Variants in NBEA observed in about 807,000 individuals in gnomAD.
NBEA encodes neurobeachin, also known as lysosomal-trafficking regulator 2.
Under a neutral mutation model 343.4 loss-of-function variants are expected in NBEA, and 44 were observed. That is an observed-to-expected ratio of 0.13 (90% CI 0.10 to 0.16). The LOEUF (loss-of-function observed/expected upper bound fraction) is 0.16. Ranked by LOEUF, NBEA falls within the 10% of genes least tolerant of loss-of-function variation. The probability of loss-of-function intolerance (pLI) is 1.00; values close to 1 mark genes in which losing one functional copy is unlikely to be tolerated. For synonymous variants in NBEA, 1,175 were observed against 1,238.7 expected (o/e 0.95, Z 1.08); for missense variants, 2,555 against 3,631.3 (o/e 0.70, Z 7.62).
At chr13:35,182,300 C>G in intron 28 of NBEA, 60 bp from the exon 29 acceptor site, 23 of 1,489,788 alleles carry the variant, frequency 1.5e-5, no homozygotes, top group Non-Finnish European at 2.0e-5. Context: ...GTTTCTAGTG[C>G]TTTAAGAACT....
Position 35,014,387 on chromosome 13 carries a change from C to G in NBEA, c.295-26546C>G, listed in dbSNP as rs140794568. ...TCAGATTCTAAATTCATTATGTACT[C>G]TGATGCCAAAGTTGTTGCATACTTC... On this transcript the variant is annotated intron_variant, in intron 1 of 58. Transcript: ENST00000379939. 1.4e-4 allele frequency among the ~76,000 whole-genome samples: 21 copies of G among 152,168 alleles called. No homozygotes were observed. In the East Asian group the frequency reaches 3.5e-3, roughly 25 times the overall value.
chr13:35,009,971 G>A (rs906195942), intron 1 of NBEA, among the ~76,000 whole-genome samples: 5 of 152,184 alleles, frequency 3.3e-5, no homozygotes, highest in Admixed American at 3.3e-4. Flanking sequence ...GTGCCATTGA[G>A]TGAAACTAGA....
chr13:35,063,536 A>T (rs2063540451), intron 8 of NBEA, among the ~76,000 whole-genome samples: 1 of 152,054 alleles, frequency 6.6e-6, no homozygotes, highest in South Asian at 2.1e-4. Flanking sequence ...CAGAAGGAGC[A>T]AGGGGAAGAG....
Position 35,645,917 on chromosome 13 carries a change from A to G in NBEA, c.7666A>G (p.Lys2556Glu), listed in dbSNP as rs989382209. 3 of 1,568,708 alleles carry G rather than the reference A, an allele frequency of 1.9e-6. No individual in the cohort carries two copies. The Admixed American group carries it at 5.4e-5, about 28-fold the overall frequency. Residue 2556 changes from lysine to glutamate, a missense_variant, in exon 50 of 59, where the codon AAG (lysine) becomes GAG (glutamate). Transcript: ENST00000379939. ...AGACCCCCACACTTTCCTTCTTACA[A>G]AGGACTTTATTAAGGTATATGTTCT... ...IRDPHTFLLT[K>E]DFIKAMEAQI...
intron 41 of NBEA, among the ~76,000 whole-genome samples, chr13:35,549,151 C>T (rs970131229): frequency 2.0e-5 from 3 of 151,970 alleles, no homozygotes; most frequent in Admixed American, 1.3e-4. Context: ...TGACTGCCTC[C>T]AAAAACCTTT....
chr13:35,420,845 C>T (rs1047004432), intron 38 of NBEA, among the ~76,000 whole-genome samples: 1 of 151,708 alleles, frequency 6.6e-6, no homozygotes, highest in Non-Finnish European at 1.5e-5. Flanking sequence ...GTGATATCCC[C>T]TTTTTCATTC....
intron 10 of NBEA, among the ~76,000 whole-genome samples, chr13:35,092,265 A>G (rs2065122127): frequency 6.6e-6 from 1 of 151,976 alleles, no homozygotes; most frequent in African/African-American, 2.4e-5. Flanking sequence ...ATGAAACTCT[A>G]AAACTTTTAT....
rs117946854 is a variant in NBEA at position 35,435,459 on chromosome 13, A to G, written c.6304+3066A>G. Among the ~76,000 whole-genome samples, 596 of 152,180 alleles carry G rather than the reference A, an allele frequency of 3.9e-3. 25 individuals carry two copies. The East Asian group carries it at 0.065, about 16-fold the overall frequency. ...GAATGTTCTTGTTTTGAGAAATACA[A>G]CGGAGTAGTTAGGGGTAATAGGGTG... is the stretch of plus-strand genomic sequence containing the variant. On this transcript the variant is annotated intron_variant, in intron 39 of 58. Transcript: ENST00000379939.
intron 58 of NBEA, among the ~76,000 whole-genome samples, chr13:35,669,116 T>C (rs538967601): frequency 1.3e-5 from 2 of 152,352 alleles, no homozygotes; most frequent in South Asian, 4.1e-4. Context: ...AAAGAGTTGA[T>C]ATGGATGTTA....
At chr13:35,327,982 A>G (rs1396936069) in intron 36 of NBEA, among the ~76,000 whole-genome samples, 3 of 151,582 alleles carry the variant, frequency 2.0e-5, no homozygotes, top group African/African-American at 4.9e-5. Context: ...TGCAAAAAAC[A>G]TATAGCTAAC....
chr13:35,431,563 G>A (rs973584914), intron 38 of NBEA, among the ~76,000 whole-genome samples: 11 of 152,196 alleles, frequency 7.2e-5, no homozygotes, highest in Non-Finnish European at 1.0e-4. Flanking sequence ...TGTTGGCCGT[G>A]GCTATTAATG....
chr13:35,086,073 T>TA (rs999541059), intron 10 of NBEA, among the ~76,000 whole-genome samples: 113 of 152,076 alleles, frequency 7.4e-4, no homozygotes, highest in East Asian at 1.5e-3. Flanking sequence ...CTCAATGAAA[T>TA]AAAAGAGGAT....
At chr13:35,035,746 C>G (rs564777810) in intron 1 of NBEA, among the ~76,000 whole-genome samples, 2 of 151,896 alleles carry the variant, frequency 1.3e-5, no homozygotes, top group African/African-American at 2.4e-5. Flanking sequence ...TAATTGACAC[C>G]CTTATCTTTA....
intron 38 of NBEA, among the ~76,000 whole-genome samples, chr13:35,389,306 A>C (rs1324043306): frequency 6.6e-6 from 1 of 152,118 alleles, no homozygotes; most frequent in African/African-American, 2.4e-5. Flanking sequence ...TTCTAGGAAA[A>C]TAATACTTCC....
chr13:35,375,725 A>T (rs373348639), intron 38 of NBEA, among the ~76,000 whole-genome samples: 61 of 152,276 alleles, frequency 4.0e-4, no homozygotes, highest in African/African-American at 1.4e-3. Flanking sequence ...GTGATGCTGA[A>T]ATTTATTGTA....
chr13:35,561,463 C>A (rs1227286615), intron 44 of NBEA, among the ~76,000 whole-genome samples: 2 of 152,082 alleles, frequency 1.3e-5, no homozygotes, highest in African/African-American at 4.8e-5. Flanking sequence ...ATATTATCCA[C>A]AAATATTCTA....
chr13:35,514,451 C>T lies in NBEA; in HGVS notation c.6586-36026C>T, dbSNP rs576502227. Among the ~76,000 whole-genome samples the T allele has an allele frequency of 1.2e-3, 176 of 152,204 alleles. 1 individual carries two copies. The highest frequency in any genetic ancestry group is 3.8e-3 in the African/African-American group (157 of 41,512). Reference sequence around the variant, plus strand: ...CATGTGTTGTCAGACTTGGCATGTACGCTGGGTTGCCTGGGTCCCTCTGGA... The same window carrying T: ...CATGTGTTGTCAGACTTGGCATGTATGCTGGGTTGCCTGGGTCCCTCTGGA... On this transcript the variant is annotated intron_variant, in intron 41 of 58. Transcript: ENST00000379939.
chr13:35,377,380 CTGT>C lies in NBEA; in HGVS notation c.6179+25060_6179+25062del, dbSNP rs967193562. ...GACTACATAGTCAATTTAGGTTGAA[CTGT>C]TGAGGCTGGCCATGAGAAGGAACTA... On this transcript the variant is annotated intron_variant, in intron 38 of 58. Coordinates refer to ENST00000379939, the MANE Select transcript of NBEA (RefSeq NM_001385012.1). Among the ~76,000 whole-genome samples, 84 of 152,266 alleles carry C rather than the reference CTGT, an allele frequency of 5.5e-4. 1 individual carries two copies. The highest frequency in any genetic ancestry group is 5.9e-5 in the Non-Finnish European group (4 of 68,008).
chr13:35,611,945 T>C (rs919976442), intron 48 of NBEA, among the ~76,000 whole-genome samples: 1 of 152,198 alleles, frequency 6.6e-6, no homozygotes. Flanking sequence ...AATTGCTGGG[T>C]CATATGGTAA....
Sources: allele counts gnomAD v4.1 joint callset (sites outside exome capture counted in the v4.1 genomes callset), GRCh38; gene constraint gnomAD v4.1.1; transcripts MANE v1.5; gene names NCBI Gene and HGNC (gene_info 2026-07-23, HGNC 2026-07-21).